Variants in CDH4 observed in about 807,000 individuals in gnomAD.
CDH4 encodes cadherin-4.
A neutral mutation model predicts 86.0 loss-of-function variants in CDH4; 33 were observed. The observed-to-expected ratio is 0.38, with a 90% confidence interval of 0.29 to 0.51. The LOEUF (loss-of-function observed/expected upper bound fraction) is 0.51, where lower values mean the gene tolerates loss of function less well. Ranked by LOEUF, CDH4 falls within the 20% of genes least tolerant of loss-of-function variation. The pLI is 0.86. For missense variants in CDH4, 1,114 were observed against 1,307.4 expected, an observed-to-expected ratio of 0.85 and a Z score of 2.28; for synonymous variants, 555 against 549.4, an observed-to-expected ratio of 1.01 and a Z score of -0.14.
intron 2 of CDH4, among the ~76,000 whole-genome samples, chr20:61,342,111 C>G (rs2123284075): frequency 6.6e-6 from 1 of 152,232 alleles, no homozygotes; most frequent in Non-Finnish European, 1.5e-5. Context: ...GCTTTCGTCT[C>G]CTGGGACAGC....
intron 2 of CDH4, among the ~76,000 whole-genome samples, chr20:61,731,387 C>A (rs549775053): frequency 6.6e-6 from 1 of 152,282 alleles, no homozygotes; most frequent in East Asian, 1.9e-4. Flanking sequence ...GCCCTGCAGC[C>A]CTGCATGAGA....
chr20:61,672,514 A>G (rs2087401878), intron 2 of CDH4, among the ~76,000 whole-genome samples: 1 of 152,198 alleles, frequency 6.6e-6, no homozygotes, highest in Non-Finnish European at 1.5e-5. Flanking sequence ...AAGTGTGTTC[A>G]CAGCTTCCAC....
chr20:61,628,987 G>T (rs569717433), intron 2 of CDH4, among the ~76,000 whole-genome samples: 1 of 152,348 alleles, frequency 6.6e-6, no homozygotes, highest in East Asian at 1.9e-4. Context: ...TAATGAGCGT[G>T]TGCCGGCAAG....
intron 2 of CDH4, among the ~76,000 whole-genome samples, chr20:61,400,698 G>A (rs2085044748): frequency 6.6e-6 from 1 of 152,174 alleles, no homozygotes; most frequent in African/African-American, 2.4e-5. Context: ...TTGGGGGTGG[G>A]GATGCGAGAA....
At chr20:61,755,359 CCACACACACCA>C (rs2088549951) in intron 3 of CDH4, among the ~76,000 whole-genome samples, 1 of 142,438 alleles carries the variant, frequency 7.0e-6, no homozygotes, top group Non-Finnish European at 1.5e-5. Flanking sequence ...ATAGTGCATG[CCACACACACCA>C]CACACACACA....
intron 2 of CDH4, among the ~76,000 whole-genome samples, chr20:61,425,399 G>A (rs2085206944): frequency 6.6e-6 from 1 of 152,184 alleles, no homozygotes; most frequent in Non-Finnish European, 1.5e-5. Flanking sequence ...GCGGTGGAGG[G>A]GCGGGCCTTC....
chr20:61,595,387 G>T (rs561598017), intron 2 of CDH4, among the ~76,000 whole-genome samples: 42 of 152,372 alleles, frequency 2.8e-4, no homozygotes, highest in Admixed American at 1.2e-3. Context: ...GTGCCCGTCA[G>T]GGCTGCCTTC....
intron 2 of CDH4, among the ~76,000 whole-genome samples, chr20:61,545,802 G>A (rs2086074307): frequency 6.6e-6 from 1 of 151,910 alleles, no homozygotes; most frequent in African/African-American, 2.4e-5. Flanking sequence ...GGGGGTATGT[G>A]GGATACGGTG....
At chr20:61,756,814 G>A (rs1206217091) in intron 3 of CDH4, among the ~76,000 whole-genome samples, 1 of 152,086 alleles carries the variant, frequency 6.6e-6, no homozygotes, top group East Asian at 1.9e-4. Flanking sequence ...GCAGTGAGGG[G>A]ATGGTCCCCC....
intron 2 of CDH4, among the ~76,000 whole-genome samples, chr20:61,590,236 G>A (rs977265994): frequency 3.9e-5 from 6 of 152,182 alleles, no homozygotes; most frequent in African/African-American, 1.4e-4. Context: ...GGATGGGGAT[G>A]GGGCCAGTGG....
At chr20:61,883,614 C>A (rs546018899) in intron 7 of CDH4, among the ~76,000 whole-genome samples, 1 of 152,236 alleles carries the variant, frequency 6.6e-6, no homozygotes, top group Admixed American at 6.5e-5. Context: ...TCAGAAACCC[C>A]AGGCCACTGG....
intron 4 of CDH4, among the ~76,000 whole-genome samples, chr20:61,843,517 C>T (rs1333900192): frequency 7.0e-6 from 1 of 143,824 alleles, no homozygotes; most frequent in African/African-American, 2.5e-5. Context: ...CATAGTGAGA[C>T]CTTTTCTGCA....
chr20:61,423,646 G>A (rs1018792424), intron 2 of CDH4, among the ~76,000 whole-genome samples: 1 of 151,680 alleles, frequency 6.6e-6, no homozygotes, highest in African/African-American at 2.4e-5. Context: ...ACTGTATTGC[G>A]TCCCTTCTTT....
In CDH4 at chr20:61,910,225, G is replaced by A. The variant is rs575748178; in HGVS notation, c.1189-197G>A. On this transcript the variant is annotated intron_variant, in intron 8 of 15. Coordinates refer to ENST00000614565, the MANE Select transcript of CDH4 (RefSeq NM_001794.5). ...TTGTGAACACTCCTTGAGCTGGGCC[G>A]ACACGTTGTGTTCTGTTTGTGAACA... is the stretch of plus-strand genomic sequence containing the variant. 1.1e-4 allele frequency among the ~76,000 whole-genome samples: 16 copies of A among 152,044 alleles called. No individual in the cohort carries two copies. The East Asian group carries it at 2.7e-3, about 26-fold the overall frequency.
chr20:61,601,012 T>TTG (rs2086596410), intron 2 of CDH4, among the ~76,000 whole-genome samples: 1 of 152,150 alleles, frequency 6.6e-6, no homozygotes, highest in Non-Finnish European at 1.5e-5. Context: ...ACAGCTTCCC[T>TTG]TGTGTGTTAG....
intron 4 of CDH4, among the ~76,000 whole-genome samples, chr20:61,823,915 T>G (rs1449018098): frequency 2.6e-5 from 4 of 152,228 alleles, no homozygotes; most frequent in African/African-American, 9.6e-5. Context: ...GCGGCTTTCT[T>G]TATGTGTAAA....
chr20:61,823,450 G>A (rs2146070488), intron 4 of CDH4, among the ~76,000 whole-genome samples: 1 of 152,024 alleles, frequency 6.6e-6, no homozygotes, highest in East Asian at 1.9e-4. Flanking sequence ...AGAGAAAGCT[G>A]CAGCCACCTT....
chr20:61,405,425 C>T (rs1225023299), intron 2 of CDH4, among the ~76,000 whole-genome samples: 1 of 152,008 alleles, frequency 6.6e-6, no homozygotes, highest in African/African-American at 2.4e-5. Context: ...CTGTGAGCCT[C>T]TCCCGTCCTG....
intron 3 of CDH4, among the ~76,000 whole-genome samples, chr20:61,748,347 G>A (rs949705093): frequency 2.2e-4 from 34 of 152,270 alleles, no homozygotes; most frequent in African/African-American, 7.7e-4. Flanking sequence ...TGGCCAGGCT[G>A]GTCTGGATCT....
Sources: allele counts gnomAD v4.1 joint callset (sites outside exome capture counted in the v4.1 genomes callset), GRCh38; gene constraint gnomAD v4.1.1; transcripts MANE v1.5; gene names NCBI Gene and HGNC (gene_info 2026-07-23, HGNC 2026-07-21).